Variants in PLPPR4 observed in about 807,000 individuals in gnomAD.
The protein encoded by PLPPR4 is phospholipid phosphatase-related protein type 4.
In PLPPR4, 24 loss-of-function variants were observed where a neutral mutation model predicts 56.6. The observed-to-expected ratio is 0.42, with a 90% CI of 0.31 to 0.60. PLPPR4 has a LOEUF of 0.60. Among genes scored for constraint, PLPPR4 ranks in the 20% least tolerant of loss-of-function variants. The pLI is 0.13. For synonymous variants in PLPPR4, 326 were observed against 328.1 expected, an observed-to-expected ratio of 0.99 and a Z score of 0.07; for missense variants, 654 against 885.8, an observed-to-expected ratio of 0.74 and a Z score of 3.32.
chr1:99,300,178 G>A (rs535018034), intron 4 of PLPPR4, among the ~76,000 whole-genome samples: 1 of 151,948 alleles, frequency 6.6e-6, no homozygotes, highest in Non-Finnish European at 1.5e-5. Flanking sequence ...GTTTATCATG[G>A]TACCAAATAA....
intron 1 of PLPPR4, among the ~76,000 whole-genome samples, chr1:99,279,162 T>A (rs1389532002): frequency 1.3e-5 from 2 of 152,186 alleles, no homozygotes; most frequent in African/African-American, 4.8e-5. Context: ...GATAAGACTA[T>A]TTCTCTGCTC....
At chr1:99,294,554 A>G (rs926597486) in intron 2 of PLPPR4, among the ~76,000 whole-genome samples, 8 of 151,884 alleles carry the variant, frequency 5.3e-5, no homozygotes, top group South Asian at 2.1e-4. Flanking sequence ...AAATCAGCCA[A>G]CCTTGGTGGT....
chr1:99,269,861 G>A (rs1385903729), intron 1 of PLPPR4, among the ~76,000 whole-genome samples: 1 of 152,078 alleles, frequency 6.6e-6, no homozygotes. Context: ...TCTGTGCATA[G>A]GTATGTACAA....
intron 4 of PLPPR4, among the ~76,000 whole-genome samples, chr1:99,300,646 T>G (rs1462875910): frequency 6.6e-6 from 1 of 152,048 alleles, no homozygotes; most frequent in Non-Finnish European, 1.5e-5. Context: ...ATCCTTCTAG[T>G]GATGTAATGA....
chr1:99,299,745 T>G (rs1432606672), intron 4 of PLPPR4, among the ~76,000 whole-genome samples: 3 of 152,022 alleles, frequency 2.0e-5, no homozygotes, highest in African/African-American at 4.8e-5. Flanking sequence ...CTCTGTGACA[T>G]AATTTCATTC....
intron 2 of PLPPR4, among the ~76,000 whole-genome samples, chr1:99,288,671 C>T (rs984155859): frequency 6.6e-6 from 1 of 152,036 alleles, no homozygotes; most frequent in African/African-American, 2.4e-5. Context: ...CACATACATA[C>T]AGACATACTC....
At chr1:99,274,526 T>C (rs1035333733) in intron 1 of PLPPR4, among the ~76,000 whole-genome samples, 48 of 152,160 alleles carry the variant, frequency 3.2e-4, no homozygotes, top group African/African-American at 1.1e-3. Context: ...TTTATGTATG[T>C]TTTATACAGT....
intron 1 of PLPPR4, among the ~76,000 whole-genome samples, chr1:99,285,608 C>T (rs1659444332): frequency 6.6e-6 from 1 of 151,998 alleles, no homozygotes. Flanking sequence ...AGTTTACTCA[C>T]TATGTATTTC....
At chr1:99,301,637 G>T (rs908313316) in intron 5 of PLPPR4, 87 bp from the exon 6 acceptor site, 1 of 934,746 alleles carries the variant, frequency 1.1e-6, no homozygotes, top group Non-Finnish European at 1.6e-6. Context: ...GAAGTCAATT[G>T]TATCAGACTT....
intron 5 of PLPPR4, among the ~76,000 whole-genome samples, chr1:99,301,180 A>T (rs1659874464): frequency 6.6e-6 from 1 of 152,070 alleles, no homozygotes; most frequent in South Asian, 2.1e-4. Flanking sequence ...CAGTTATAAT[A>T]GTATTTATTT....
intron 2 of PLPPR4, among the ~76,000 whole-genome samples, chr1:99,291,122 C>T (rs1157842748): frequency 6.6e-6 from 1 of 150,460 alleles, no homozygotes; most frequent in Non-Finnish European, 1.5e-5. Flanking sequence ...AAAAAGTGGG[C>T]AAAGGACATG....
chr1:99,294,649 T>C (rs819904), intron 2 of PLPPR4, among the ~76,000 whole-genome samples: 78,897 of 147,634 alleles, frequency 0.53, 20,941 homozygotes, highest in East Asian at 0.59. Context: ...TGAGCCAAGA[T>C]CACACCATTG....
chr1:99,285,387 A>G (rs1054895321), intron 1 of PLPPR4, among the ~76,000 whole-genome samples: 2 of 152,202 alleles, frequency 1.3e-5, no homozygotes, highest in African/African-American at 4.8e-5. Context: ...ATTTAAGTGG[A>G]AATTTCAATA....
chr1:99,308,617 CAGA>C lies in PLPPR4; in HGVS notation c.*1610_*1612del, dbSNP rs1161732280. ...CTGATCTTAGCTCACTTTCCAATAA[CAGA>C]AGGAGTTGTTTACAGATGAATAGTA... On this transcript the variant is annotated 3_prime_UTR_variant, in exon 7 of 7. Transcript: ENST00000370185. 1 of 152,580 alleles carries C rather than the reference CAGA, an allele frequency of 6.6e-6. No homozygotes were observed. The highest frequency in any genetic ancestry group is 2.4e-5 in the African/African-American group (1 of 41,424). 9.5% of individuals were successfully genotyped at this position (152,580 alleles called of 1,614,324 possible). A position where few individuals can be genotyped will look rare whatever the true frequency, so the allele number is the denominator to read the frequency against.
In PLPPR4 at chr1:99,299,181, G is replaced by A. The variant is rs1370026135; in HGVS notation, c.541G>A (p.Val181Met). Reference sequence around the variant, plus strand: ...ATCTTGCAAAGAAAATTCCTACATTGTGGAAGATATTTGCTCAGGATCTGA... The same window carrying A: ...ATCTTGCAAAGAAAATTCCTACATTATGGAAGATATTTGCTCAGGATCTGA... The part of the protein sequence containing the change: ...NVSCKENSYI[V>M]EDICSGSDLT... Residue 181 changes from valine to methionine, a missense_variant, in exon 4 of 7, where the codon GTG (valine) becomes ATG (methionine). Val to Met is a conservative substitution (Grantham distance 21, BLOSUM62 1). Around this residue, in one of 2 missense-constraint regions of PLPPR4, gnomAD observed 186 missense variants for 331.4 expected, o/e 0.56. Transcript: ENST00000370185. The A allele has an allele frequency of 1.2e-6, 2 of 1,613,324 alleles. No homozygotes were observed. The highest frequency in any genetic ancestry group is 2.2e-5 in the South Asian group (2 of 91,054).
intron 1 of PLPPR4, among the ~76,000 whole-genome samples, chr1:99,270,220 T>C (rs1242586997): frequency 6.6e-6 from 1 of 152,020 alleles, no homozygotes; most frequent in Non-Finnish European, 1.5e-5. Flanking sequence ...GAGACAGGAT[T>C]TCACCATGTT....
intron 1 of PLPPR4, among the ~76,000 whole-genome samples, chr1:99,270,567 A>G (rs1324960013): frequency 7.9e-5 from 12 of 152,198 alleles, no homozygotes; most frequent in Admixed American, 5.2e-4. Context: ...TTTTCTTTCC[A>G]TTGGAAAGTG....
Position 99,305,666 on chromosome 1 carries a change from G to T in PLPPR4, c.823-19G>T, listed in dbSNP as rs1557783985. ...TGTCTTCTAGTGCATGATATTTATTGCTTTCTCTCAAACACTAGGGCTTGT... is the reference window on the plus strand; with the variant it reads ...TGTCTTCTAGTGCATGATATTTATTTCTTTCTCTCAAACACTAGGGCTTGT... On this transcript the variant is annotated intron_variant, in intron 6 of 6. Coordinates refer to ENST00000370185, the MANE Select transcript of PLPPR4 (RefSeq NM_014839.5). 1 of 1,597,132 alleles carries T rather than the reference G, an allele frequency of 6.3e-7. No individual in the cohort carries two copies. The highest frequency in any genetic ancestry group is 1.7e-5 in the Admixed American group (1 of 58,430).
At position 99,265,869 on chromosome 1, in the gene PLPPR4, T is replaced by A. The variant is rs533118165; in HGVS notation, c.78+1198T>A. ...TATATTTGGAAGTTTTGTAGAAGTG[T>A]CATAGATTTTTTAAATAATTTCAGT... On this transcript the variant is annotated intron_variant, in intron 1 of 6. Coordinates refer to ENST00000370185, the MANE Select transcript of PLPPR4 (RefSeq NM_014839.5). Among the ~76,000 whole-genome samples the A allele has an allele frequency of 3.3e-5, 5 of 152,324 alleles. No individual in the cohort carries two copies. In the East Asian group the frequency reaches 9.6e-4, roughly 29 times the overall value.
Sources: gnomAD v4.1 joint callset for allele counts (sites outside exome capture counted in the v4.1 genomes callset) on GRCh38, gnomAD v4.1.1 for gene constraint, gnomAD v4.1.1 regional missense constraint, MANE v1.5 for transcripts, NCBI Gene and HGNC (gene_info 2026-07-23, HGNC 2026-07-21) for gene names.